Variants in SEL1L2 observed in about 807,000 individuals in gnomAD.
SEL1L2 encodes the protein SEL1L2 adaptor subunit of SYVN1 ubiquitin ligase.
Under a neutral mutation model 98.8 loss-of-function variants are expected in SEL1L2, and 89 were observed. The ratio of observed to expected loss-of-function variants is 0.90; its 90% confidence interval spans 0.76 to 1.07. The LOEUF is 1.07. SEL1L2 is among the 50% of genes least tolerant of loss of function. The pLI is 0.00. For missense variants in SEL1L2, 788 were observed against 812.0 expected, an observed-to-expected ratio of 0.97 and a Z score of 0.36; for synonymous variants, 262 against 278.5, an observed-to-expected ratio of 0.94 and a Z score of 0.59.
At chr20:13,858,979 T>C (rs1418353001) in intron 18 of SEL1L2, among the ~76,000 whole-genome samples, 1 of 152,218 alleles carries the variant, frequency 6.6e-6, no homozygotes, top group African/African-American at 2.4e-5. Context: ...GGAAAAAGCA[T>C]GTGCTGCAAA....
rs533155958 is a variant in SEL1L2 at position 13,866,751 on chromosome 20, A to C, written c.1355T>G (p.Met452Arg). The stretch of plus-strand genomic sequence containing the variant: ...TACTACTCCTGTTCCTGTTGCATAC[A>C]TCTTGGCCAGATAATAAATGGCAAG... ...QPLAIYYLAK[M>R]YATGTGVVRS... The change falls in exon 15 of 20, where the codon ATG (methionine) becomes AGG (arginine). Residue 452 changes from methionine to arginine, a missense_variant. By Grantham distance (91) the Met-to-Arg change is moderately conservative. Transcript: ENST00000284951. 1.2e-5 allele frequency: 19 copies of C among 1,611,802 alleles called. No individual in the cohort carries two copies. In the Middle Eastern group the frequency reaches 6.6e-4, roughly 56 times the overall value.
At chr20:13,993,278 A>G (rs1287088594), upstream of SEL1L2, among the ~76,000 whole-genome samples, 1 of 152,218 alleles carries the variant, frequency 6.6e-6, no homozygotes, top group Non-Finnish European at 1.5e-5. Context: ...CCGATTTGAT[A>G]TGAGAGTGAA....
intron 18 of SEL1L2, among the ~76,000 whole-genome samples, chr20:13,855,580 C>T (rs1170521830): frequency 6.6e-6 from 1 of 152,154 alleles, no homozygotes; most frequent in Non-Finnish European, 1.5e-5. Flanking sequence ...TTTATTTCTC[C>T]CCCATTCAGC....
chr20:13,986,126 A>G (rs2052170951), intron 1 of SEL1L2, among the ~76,000 whole-genome samples: 1 of 152,182 alleles, frequency 6.6e-6, no homozygotes, highest in African/African-American at 2.4e-5. Context: ...AATGTTTTCA[A>G]TTCTCTTGGA....
intron 19 of SEL1L2, 187 bp downstream of exon 19, chr20:13,850,004 G>C: frequency 3.2e-6 from 2 of 621,160 alleles, no homozygotes; most frequent in Non-Finnish European, 5.6e-6. Context: ...CTTATACTCT[G>C]AAGTGTCAAC....
At chr20:13,902,953 T>C (rs1600683707) in intron 5 of SEL1L2, among the ~76,000 whole-genome samples, 1 of 151,898 alleles carries the variant, frequency 6.6e-6, no homozygotes, top group East Asian at 1.9e-4. Context: ...CCGTCTCTAC[T>C]AAAAATACAA....
intron 5 of SEL1L2, among the ~76,000 whole-genome samples, chr20:13,908,587 C>T (rs1012828356): frequency 6.6e-6 from 1 of 152,156 alleles, no homozygotes; most frequent in East Asian, 1.9e-4. Flanking sequence ...AAATATATAA[C>T]TTATCTACCT....
rs1391809817 is a variant in SEL1L2 at position 13,894,769 on chromosome 20, A to G, written c.550-6257T>C. On this transcript the variant is annotated intron_variant, in intron 5 of 19. Transcript: ENST00000284951. Reference sequence around the variant, plus strand: ...AACAAATGGATTAATTGCTGGAAAAATACAACCTACCAATACTGAGTTTTG... The same window carrying G: ...AACAAATGGATTAATTGCTGGAAAAGTACAACCTACCAATACTGAGTTTTG... Among the ~76,000 whole-genome samples the G allele has an allele frequency of 3.3e-5, 5 of 152,364 alleles. No individual in the cohort carries two copies. The South Asian group carries it at 8.3e-4, about 25-fold the overall frequency.
intron 3 of SEL1L2, among the ~76,000 whole-genome samples, chr20:13,920,831 A>G (rs1414326222): frequency 6.6e-6 from 1 of 152,162 alleles, no homozygotes; most frequent in East Asian, 1.9e-4. Context: ...AAAATTAAAA[A>G]TTTAAAAACT....
At chr20:13,961,145 G>A (rs952499910) in intron 1 of SEL1L2, among the ~76,000 whole-genome samples, 17 of 152,098 alleles carry the variant, frequency 1.1e-4, no homozygotes, top group African/African-American at 4.1e-4. Context: ...AAGGTCACAG[G>A]GCAGAGTGGG....
At chr20:13,877,489 T>C in intron 11 of SEL1L2, 31 bp downstream of exon 11, 1 of 1,551,468 alleles carries the variant, frequency 6.4e-7, no homozygotes, top group Non-Finnish European at 8.9e-7. Context: ...TTTTAATAAA[T>C]GAAAACAATG....
At chr20:13,928,166 TC>T (rs2048978683) in intron 3 of SEL1L2, 1 of 152,244 alleles carries the variant, frequency 6.6e-6, no homozygotes. Context: ...TCACCATCTT[TC>T]TTGCTCCTCA....
chr20:13,926,298 G>C lies in SEL1L2; in HGVS notation c.283+5305C>G, dbSNP rs148136364. Reference sequence around the variant, plus strand: ...CCACTGCACTCCAGCCTGGGCGACAGAGCGAGACTCCGTTTCAAACAAAAA... The same window carrying C: ...CCACTGCACTCCAGCCTGGGCGACACAGCGAGACTCCGTTTCAAACAAAAA... On this transcript the variant is annotated intron_variant, in intron 3 of 19. Transcript: ENST00000284951. Among the ~76,000 whole-genome samples the C allele has an allele frequency of 4.1e-3, 614 of 151,442 alleles. 1 individual carries two copies. The highest frequency in any genetic ancestry group is 0.01 in the East Asian group (51 of 5,096).
At chr20:13,917,830 C>CT in intron 4 of SEL1L2, among the ~76,000 whole-genome samples, 1 of 101,442 alleles carries the variant, frequency 9.9e-6, no homozygotes, top group Non-Finnish European at 1.8e-5. Context: ...TGGAGTCTGG[C>CT]TTTGTCACCC....
intron 5 of SEL1L2, among the ~76,000 whole-genome samples, chr20:13,906,292 CAAAGTA>C (rs2047927960): frequency 6.6e-6 from 1 of 152,082 alleles, no homozygotes; most frequent in Admixed American, 6.6e-5. Flanking sequence ...TACTGTACTT[CAAAGTA>C]AATTACTCAA....
chr20:13,885,050 A>T (rs2068042145), intron 10 of SEL1L2, among the ~76,000 whole-genome samples: 1 of 152,140 alleles, frequency 6.6e-6, no homozygotes, highest in Non-Finnish European at 1.5e-5. Flanking sequence ...TCCTAATCCC[A>T]GCCCAAAGTG....
chr20:13,887,618 CTG>C, intron 8 of SEL1L2, 149 bp downstream of exon 8: 3 of 549,464 alleles, frequency 5.5e-6, no homozygotes, highest in South Asian at 5.9e-5. Flanking sequence ...GAAACAGAAA[CTG>C]TATTATGTTA....
At chr20:13,951,310 A>AAGAT (rs2050259005) in intron 2 of SEL1L2, among the ~76,000 whole-genome samples, 1 of 142,454 alleles carries the variant, frequency 7.0e-6, no homozygotes, top group African/African-American at 2.6e-5. Context: ...GAAAGAAAGA[A>AAGAT]AGAAAATACT....
At chr20:13,942,865 T>C (rs571996546) in intron 2 of SEL1L2, among the ~76,000 whole-genome samples, 2 of 152,222 alleles carry the variant, frequency 1.3e-5, no homozygotes, top group Admixed American at 6.5e-5. Flanking sequence ...AATAAGAGTT[T>C]ATGAGATGTT....
Sources: allele counts gnomAD v4.1 joint callset (sites outside exome capture counted in the v4.1 genomes callset), GRCh38; gene constraint gnomAD v4.1.1; transcripts MANE v1.5; gene names NCBI Gene and HGNC (gene_info 2026-07-23, HGNC 2026-07-21).